Variants in PTPRT observed in about 807,000 individuals in gnomAD.
The protein encoded by PTPRT is receptor-type tyrosine-protein phosphatase T.
In PTPRT, 56 loss-of-function variants were observed where a neutral mutation model predicts 176.8. That is an observed-to-expected ratio of 0.32 (90% confidence interval 0.26 to 0.40). PTPRT has a LOEUF of 0.40. Among genes scored for constraint, PTPRT ranks in the 10% least tolerant of loss-of-function variants. The pLI is 1.00. For synonymous variants in PTPRT, 783 were observed against 739.0 expected, an observed-to-expected ratio of 1.06 and a Z score of -0.96; for missense variants, 1,540 against 1,908.2, an observed-to-expected ratio of 0.81 and a Z score of 3.60.
At chr20:42,372,771 G>T (rs1342037425) in intron 9 of PTPRT, among the ~76,000 whole-genome samples, 1 of 152,132 alleles carries the variant, frequency 6.6e-6, no homozygotes, top group African/African-American at 2.4e-5. Flanking sequence ...AGACCCCAGA[G>T]AGACACCTTT....
Position 42,871,685 on chromosome 20 carries a change from G to A in PTPRT, c.214+14122C>T, listed in dbSNP as rs2078849371. Among the ~76,000 whole-genome samples, 3 of 125,404 alleles carry A rather than the reference G, an allele frequency of 2.4e-5. No individual in the cohort carries two copies. The South Asian group carries it at 7.2e-4, about 30-fold the overall frequency. 82.3% of individuals were successfully genotyped at this position (125,404 alleles called of 152,430 possible). A position where few individuals can be genotyped will look rare whatever the true frequency, so the allele number is the denominator to read the frequency against. On this transcript the variant is annotated intron_variant, in intron 2 of 30. Coordinates refer to ENST00000373187, the MANE Select transcript of PTPRT (RefSeq NM_007050.6). ...GGTGTAAGTTAAGGATCTGCTACAT[G>A]TGGATATTCAATTTACTAAATGCCA...
chr20:42,976,013 T>A lies in PTPRT; in HGVS notation c.89-90081A>T, dbSNP rs555983913. Among the ~76,000 whole-genome samples the A allele has an allele frequency of 5.4e-4, 78 of 145,270 alleles. 1 individual carries two copies. In the South Asian group the frequency reaches 6.9e-3, roughly 13 times the overall value. On this transcript the variant is annotated intron_variant, in intron 1 of 30. Coordinates refer to ENST00000373187, the MANE Select transcript of PTPRT (RefSeq NM_007050.6). The stretch of plus-strand genomic sequence containing the variant: ...ATTCTCTCCTCCTTTACACATGAAA[T>A]CCCTGCAAGGCCAGCGTTATCATGC...
chr20:42,891,459 C>T (rs1299788295), intron 1 of PTPRT, among the ~76,000 whole-genome samples: 2 of 152,150 alleles, frequency 1.3e-5, no homozygotes, highest in East Asian at 1.9e-4. Context: ...AAATGGAAAA[C>T]TGTAGCAAGG....
At chr20:42,375,261 G>A (rs2058637432) in intron 9 of PTPRT, among the ~76,000 whole-genome samples, 1 of 152,210 alleles carries the variant, frequency 6.6e-6, no homozygotes, top group Non-Finnish European at 1.5e-5. Flanking sequence ...ACAAGGAAGA[G>A]TGAGACACAG....
the PTPRT span, among the ~76,000 whole-genome samples, chr20:42,036,010 A>G: frequency 6.6e-6 from 1 of 152,186 alleles, no homozygotes; most frequent in Non-Finnish European, 1.5e-5. Flanking sequence ...TAGGTAGGGG[A>G]AGTGTGACAA....
At chr20:42,120,338 G>T (rs544189006) in intron 19 of PTPRT, among the ~76,000 whole-genome samples, 1 of 152,260 alleles carries the variant, frequency 6.6e-6, no homozygotes, top group South Asian at 2.1e-4. Context: ...CTTGAGCCAT[G>T]ATTATATGAA....
chr20:42,975,926 CAA>C (rs528308755), intron 1 of PTPRT, among the ~76,000 whole-genome samples: 17 of 141,952 alleles, frequency 1.2e-4, no homozygotes, highest in Admixed American at 1.4e-4. Context: ...ACCCCCCCAC[CAA>C]AAAAAAAAAA....
chr20:42,908,253 C>A (rs919071796), intron 1 of PTPRT, among the ~76,000 whole-genome samples: 3 of 152,192 alleles, frequency 2.0e-5, no homozygotes, highest in African/African-American at 7.2e-5. Context: ...ATTTCCTCAT[C>A]TAAGAAGATA....
intron 1 of PTPRT, among the ~76,000 whole-genome samples, chr20:43,018,545 C>G (rs780630889): frequency 6.6e-6 from 1 of 151,988 alleles, no homozygotes; most frequent in Admixed American, 6.6e-5. Flanking sequence ...CAAAAGACAT[C>G]GTAAACAAGA....
intron 1 of PTPRT, among the ~76,000 whole-genome samples, chr20:42,889,129 C>T (rs1426394314): frequency 6.6e-6 from 1 of 152,092 alleles, no homozygotes; most frequent in Non-Finnish European, 1.5e-5. Flanking sequence ...TCAGCTGATA[C>T]TGAGCTGACT....
chr20:42,526,717 A>G (rs1374169587), intron 7 of PTPRT, among the ~76,000 whole-genome samples: 1 of 152,002 alleles, frequency 6.6e-6, no homozygotes, highest in East Asian at 1.9e-4. Flanking sequence ...AACTGTTATT[A>G]CCAATCTCTG....
At chr20:42,467,106 A>T (rs926224969) in intron 8 of PTPRT, among the ~76,000 whole-genome samples, 2 of 152,194 alleles carry the variant, frequency 1.3e-5, no homozygotes, top group African/African-American at 4.8e-5. Flanking sequence ...CTCTTCTCTA[A>T]AGAAGAAGGC....
chr20:42,281,038 G>T (rs973857334), intron 13 of PTPRT, among the ~76,000 whole-genome samples: 8 of 152,094 alleles, frequency 5.3e-5, no homozygotes, highest in Non-Finnish European at 1.0e-4. Context: ...CATAGTGAAG[G>T]AGCTTTCTCT....
At chr20:42,069,621 A>C (rs1055958321), downstream of PTPRT, among the ~76,000 whole-genome samples, 3 of 152,222 alleles carry the variant, frequency 2.0e-5, no homozygotes, top group Admixed American at 1.3e-4. Context: ...AAAATTATAA[A>C]GAACAAAAAT....
At chr20:42,582,938 A>G (rs1209712491) in intron 7 of PTPRT, among the ~76,000 whole-genome samples, 2 of 152,150 alleles carry the variant, frequency 1.3e-5, no homozygotes, top group Non-Finnish European at 2.9e-5. Flanking sequence ...GTCCTCGGTC[A>G]GGCCAGGAAA....
At position 42,959,831 on chromosome 20, in the gene PTPRT, G is replaced by A. The variant is rs76026490; in HGVS notation, c.89-73899C>T. 4.2e-3 allele frequency among the ~76,000 whole-genome samples: 637 copies of A among 152,228 alleles called. 6 individuals carry two copies. Among genetic ancestry groups the A allele is most frequent in the African/African-American group, 0.014 (599 of 41,530 alleles). On this transcript the variant is annotated intron_variant, in intron 1 of 30. Coordinates refer to ENST00000373187, the MANE Select transcript of PTPRT (RefSeq NM_007050.6). ...TGCAGAAAGATTTCCTAAGTCCTTA[G>A]GGGGGAGTCCAAGAGAGAACAAGGA...
At chr20:42,336,625 A>G (rs943128134) in intron 11 of PTPRT, among the ~76,000 whole-genome samples, 3 of 152,220 alleles carry the variant, frequency 2.0e-5, no homozygotes, top group African/African-American at 7.2e-5. Context: ...CAGTAATTGC[A>G]TTCCTGGGGA....
At chr20:42,472,591 G>T (rs900691810) in intron 7 of PTPRT, 29 bp from the exon 8 acceptor site, 2 of 1,602,096 alleles carry the variant, frequency 1.2e-6, no homozygotes, top group Non-Finnish European at 1.7e-6. Context: ...AGAAACAAGG[G>T]TTCTGAAGAG....
intron 15 of PTPRT, among the ~76,000 whole-genome samples, chr20:42,223,140 C>G (rs780543315): frequency 2.0e-5 from 3 of 152,084 alleles, no homozygotes; most frequent in African/African-American, 7.2e-5. Context: ...ACAACACTTA[C>G]GTGAAAGTAC....
Sources: gnomAD v4.1 joint callset for allele counts (sites outside exome capture counted in the v4.1 genomes callset) on GRCh38, gnomAD v4.1.1 for gene constraint, MANE v1.5 for transcripts, NCBI Gene and HGNC (gene_info 2026-07-23, HGNC 2026-07-21) for gene names.